The following SPATS2L variants were observed in gnomAD, a reference collection of about 807,000 sequenced individuals.
SPATS2L encodes the protein SPATS2-like protein.
In SPATS2L, 30 loss-of-function variants were observed where a neutral mutation model predicts 59.6. That is an observed-to-expected ratio of 0.50 (90% CI 0.38 to 0.68). SPATS2L has a LOEUF of 0.68. Among genes scored for constraint, SPATS2L ranks in the 30% least tolerant of loss-of-function variants. SPATS2L has a pLI of 0.00. For missense variants in SPATS2L, 615 were observed against 700.0 expected, an observed-to-expected ratio of 0.88 and a Z score of 1.37; for synonymous variants, 252 against 263.5, an observed-to-expected ratio of 0.96 and a Z score of 0.42.
intron 3 of SPATS2L, among the ~76,000 whole-genome samples, chr2:200,409,219 A>T (rs1040463256): frequency 6.6e-6 from 1 of 152,240 alleles, no homozygotes; most frequent in African/African-American, 2.4e-5. Context: ...ACTATTAGTC[A>T]CGCATTGATT....
chr2:200,356,763 A>T (rs1209122902), intron 2 of SPATS2L, among the ~76,000 whole-genome samples: 1 of 152,192 alleles, frequency 6.6e-6, no homozygotes, highest in Non-Finnish European at 1.5e-5. Context: ...GTTTGTGAAC[A>T]GAAGTTTATT....
chr2:200,307,004 C>G (rs149829993), intron 1 of SPATS2L, 82 bp downstream of exon 1: 2 of 974,438 alleles, frequency 2.1e-6, no homozygotes, highest in African/African-American at 3.5e-5. Context: ...GCGGCCGGGA[C>G]GGAGACTCGG....
chr2:200,322,493 T>C (rs984485202), intron 1 of SPATS2L, among the ~76,000 whole-genome samples: 2 of 152,222 alleles, frequency 1.3e-5, no homozygotes, highest in African/African-American at 4.8e-5. Flanking sequence ...ATAATTGCTA[T>C]AGGTATAAGT....
chr2:200,472,717 A>G, intron 11 of SPATS2L, 115 bp from the exon 12 acceptor site: 1 of 872,858 alleles, frequency 1.1e-6, no homozygotes. Context: ...AAAACTTTTT[A>G]ATGTTTTTGT....
intron 2 of SPATS2L, chr2:200,383,986 G>A: frequency 1.0e-6 from 1 of 1,002,390 alleles, no homozygotes; most frequent in Non-Finnish European, 1.2e-6. Flanking sequence ...GAGGGAGAAA[G>A]GAGACAAGCA....
In SPATS2L at chr2:200,478,516, A is replaced by T. The variant is rs2087698632; in HGVS notation, c.*485A>T. Reference sequence around the variant, plus strand: ...ATTGCTTTATTTGAAACAAATTAAAATATGCTGCATTTGACACCTGGCTAG... The same window carrying T: ...ATTGCTTTATTTGAAACAAATTAAATTATGCTGCATTTGACACCTGGCTAG... On this transcript the variant is annotated 3_prime_UTR_variant, in exon 13 of 13. Coordinates refer to ENST00000409140, the MANE Select transcript of SPATS2L (RefSeq NM_001100423.2). 6.5e-6 allele frequency: 1 copy of T among 152,812 alleles called. No individual in the cohort carries two copies. Among genetic ancestry groups the T allele is most frequent in the African/African-American group, 2.4e-5 (1 of 41,458 alleles). 9.5% of individuals were successfully genotyped at this position (152,812 alleles called of 1,614,324 possible).
chr2:200,444,243 C>T (rs1196738805), intron 8 of SPATS2L, among the ~76,000 whole-genome samples: 1 of 152,156 alleles, frequency 6.6e-6, no homozygotes, highest in African/African-American at 2.4e-5. Context: ...ACTAGTCTAG[C>T]TTCTCATCAC....
At chr2:200,474,912 C>T (rs1159768982) in intron 12 of SPATS2L, among the ~76,000 whole-genome samples, 1 of 148,204 alleles carries the variant, frequency 6.7e-6, no homozygotes, top group Non-Finnish European at 1.5e-5. Context: ...TCAGAGAGAC[C>T]AAGGAGACAG....
At chr2:200,409,922 G>A (rs10188190) in intron 3 of SPATS2L, among the ~76,000 whole-genome samples, 1,531 of 152,234 alleles carry the variant, frequency 0.01, 22 homozygotes, top group African/African-American at 0.034. Context: ...ATCTCCACAA[G>A]TAGTGGTTTA....
chr2:200,407,362 T>C (rs1233397922), intron 3 of SPATS2L, among the ~76,000 whole-genome samples: 1 of 152,230 alleles, frequency 6.6e-6, no homozygotes, highest in Admixed American at 6.5e-5. Context: ...TATAAAGTAC[T>C]CACCCTTACT....
At chr2:200,353,941 T>TTTGCATG (rs2080823892) in intron 2 of SPATS2L, among the ~76,000 whole-genome samples, 1 of 152,194 alleles carries the variant, frequency 6.6e-6, no homozygotes, top group African/African-American at 2.4e-5. Context: ...TGCATGGTGG[T>TTTGCATG]GTCCATTGGA....
chr2:200,376,758 CACAG>C (rs1306112123), intron 2 of SPATS2L, among the ~76,000 whole-genome samples: 10 of 152,242 alleles, frequency 6.6e-5, no homozygotes, highest in Admixed American at 5.9e-4. Context: ...ACCCTGTGGA[CACAG>C]ACAGAGCCCT....
chr2:200,334,046 T>C (rs556351668), intron 2 of SPATS2L, among the ~76,000 whole-genome samples: 43 of 152,390 alleles, frequency 2.8e-4, no homozygotes, highest in African/African-American at 9.9e-4. Flanking sequence ...TCAAGTGGTA[T>C]TTCTGGTTCT....
chr2:200,414,804 T>C (rs952862661), intron 4 of SPATS2L, among the ~76,000 whole-genome samples: 3 of 152,154 alleles, frequency 2.0e-5, no homozygotes, highest in African/African-American at 4.8e-5. Flanking sequence ...TCTGTAAATA[T>C]GGGTATTTCT....
intron 8 of SPATS2L, among the ~76,000 whole-genome samples, chr2:200,443,589 G>A (rs1023058452): frequency 6.6e-6 from 1 of 152,078 alleles, no homozygotes; most frequent in African/African-American, 2.4e-5. Flanking sequence ...TCCTCTCCTT[G>A]CTTTGGGCCA....
At chr2:200,363,189 T>A (rs981416276) in intron 2 of SPATS2L, among the ~76,000 whole-genome samples, 1 of 152,152 alleles carries the variant, frequency 6.6e-6, no homozygotes, top group African/African-American at 2.4e-5. Context: ...GAATGAAAAT[T>A]TAAAGTTTTT....
intron 1 of SPATS2L, among the ~76,000 whole-genome samples, chr2:200,320,715 A>T (rs1040035678): frequency 3.3e-5 from 5 of 152,044 alleles, no homozygotes; most frequent in Non-Finnish European, 7.4e-5. Context: ...AAAGAGGTTT[A>T]TTTTTCTTCC....
chr2:200,360,892 C>T (rs551053457), intron 2 of SPATS2L, among the ~76,000 whole-genome samples: 10 of 141,618 alleles, frequency 7.1e-5, no homozygotes, highest in Admixed American at 4.0e-4. Flanking sequence ...TGCCATTGTA[C>T]GACCCCCCGC....
intron 2 of SPATS2L, among the ~76,000 whole-genome samples, chr2:200,333,660 A>G (rs977552112): frequency 2.7e-5 from 4 of 149,300 alleles, no homozygotes; most frequent in African/African-American, 9.9e-5. Context: ...CGCTCCCCCC[A>G]CCCCATGATG....
Sources: allele counts gnomAD v4.1 joint callset (sites outside exome capture counted in the v4.1 genomes callset), GRCh38; gene constraint gnomAD v4.1.1; transcripts MANE v1.5; gene names NCBI Gene and HGNC (gene_info 2026-07-23, HGNC 2026-07-21).